Variants in GABBR1 observed in about 807,000 individuals in gnomAD.
The protein encoded by GABBR1 is gamma-aminobutyric acid type B receptor subunit 1.
In GABBR1, 35 loss-of-function variants were observed where a neutral mutation model predicts 117.7. The ratio of observed to expected loss-of-function variants is 0.30; its 90% CI spans 0.23 to 0.39. The LOEUF (loss-of-function observed/expected upper bound fraction) is 0.39. Among genes scored for constraint, GABBR1 ranks in the 10% least tolerant of loss-of-function variants. GABBR1 has a pLI of 1.00. For missense variants in GABBR1, 709 were observed against 1,241.8 expected (o/e 0.57, Z 6.45); for synonymous variants, 442 against 486.6 (o/e 0.91, Z 1.21).
In GABBR1 at chr6:29,622,264, C is replaced by T. The variant is rs1419520176; in HGVS notation, c.964-59G>A. 17 of 1,142,068 alleles carry T rather than the reference C, an allele frequency of 1.5e-5. No homozygotes were observed. Among genetic ancestry groups the T allele is most frequent in the South Asian group, 2.5e-5 (2 of 79,252 alleles). 70.7% of individuals were successfully genotyped at this position (1,142,068 alleles called of 1,614,324 possible). On this transcript the variant is annotated intron_variant, in intron 8 of 22. Coordinates refer to ENST00000377034, the MANE Select transcript of GABBR1 (RefSeq NM_001470.4). This position sits in a 1 kb window ranked among gnomAD's most constrained non-coding sequence, Gnocchi z 4.6. ...ACGGGGTGCATGAGGGAATAAAGAC[C>T]AGAGAGGTTAACTGGGGATTTCAGA...
At chr6:29,608,788 GGA>G in intron 15 of GABBR1, 55 bp from the exon 16 acceptor site, 1 of 1,586,572 alleles carries the variant, frequency 6.3e-7, no homozygotes, top group African/African-American at 1.3e-5. Context: ...TCTTCTCCAG[GGA>G]GGCTGAGCTC....
At position 29,621,936 on chromosome 6, in the gene GABBR1, A is replaced by G; in HGVS notation, c.1066-119T>C. On this transcript the variant is annotated intron_variant, in intron 9 of 22. Coordinates refer to ENST00000377034, the MANE Select transcript of GABBR1 (RefSeq NM_001470.4). The surrounding 1 kb of genome is among the most constrained non-coding windows in gnomAD (Gnocchi z 5.0). Reference sequence around the variant, plus strand: ...AGTGCTTAGTGCAGGGTAACGCTCAACGTATAGTGAATAAACGTCAACTGG... The same window carrying G: ...AGTGCTTAGTGCAGGGTAACGCTCAGCGTATAGTGAATAAACGTCAACTGG... The G allele has an allele frequency of 9.1e-7, 1 of 1,093,778 alleles. No individual in the cohort carries two copies. Among genetic ancestry groups the G allele is most frequent in the Non-Finnish European group, 1.4e-6 (1 of 727,932 alleles). 67.8% of individuals were successfully genotyped at this position (1,093,778 alleles called of 1,614,324 possible).
At position 29,632,567 on chromosome 6, in the gene GABBR1, G is replaced by T; in HGVS notation, c.1-182C>A. 1 of 939,950 alleles carries T rather than the reference G, an allele frequency of 1.1e-6. No individual in the cohort carries two copies. Among genetic ancestry groups the T allele is most frequent in the Non-Finnish European group, 1.5e-6 (1 of 670,792 alleles). 58.2% of individuals were successfully genotyped at this position (939,950 alleles called of 1,614,324 possible). Reference sequence around the variant, plus strand: ...CGCGCGGGGTGGGGGGAGAGGAGGAGAGAAAGCCTGTCCCCACCCTCCTCC... The same window carrying T: ...CGCGCGGGGTGGGGGGAGAGGAGGATAGAAAGCCTGTCCCCACCCTCCTCC... On this transcript the variant is annotated intron_variant, in intron 1 of 22. Transcript: ENST00000377034. This position sits in a 1 kb window ranked among gnomAD's most constrained non-coding sequence, Gnocchi z 5.8.
At position 29,607,299 on chromosome 6, in the gene GABBR1, G is replaced by C; in HGVS notation, c.1993-81C>G. 1 of 1,145,974 alleles carries C rather than the reference G, an allele frequency of 8.7e-7. No individual in the cohort carries two copies. The allele number at this position is 1,145,974 out of a possible 1,614,324, so 71.0% of individuals were successfully genotyped here. ...AGTAAGGATGGGCAGAACCCTAAGG[G>C]AGAGTGGGCAGGGAGCACGGGCAGG... On this transcript the variant is annotated intron_variant, in intron 16 of 22. Transcript: ENST00000377034. The surrounding 1 kb of genome is among the most constrained non-coding windows in gnomAD (Gnocchi z 5.0).
chr6:29,621,170 C>T lies in GABBR1; in HGVS notation c.1254G>A (p.Ala418=), dbSNP rs763531433. Residue 418 remains alanine, a synonymous_variant, in exon 11 of 23, where the codon GCG becomes GCA. Transcript: ENST00000377034. This position sits in a 1 kb window ranked among gnomAD's most constrained non-coding sequence, Gnocchi z 5.0. ...TCTCAGTTGTGATGTGGCCCTCCAC[C>T]GCCTCAGTCATCTCATCCACTGTGC... ...INCTVDEMTE[A]VEGHITTEIV... 20 of 1,613,024 alleles carry T rather than the reference C, an allele frequency of 1.2e-5. No individual in the cohort carries two copies. The highest frequency in any genetic ancestry group is 5.5e-5 in the South Asian group (5 of 91,086).
At chr6:29,617,412 G>A (rs1346346033) in intron 11 of GABBR1, among the ~76,000 whole-genome samples, 1 of 140,792 alleles carries the variant, frequency 7.1e-6, no homozygotes, top group Non-Finnish European at 1.5e-5. Context: ...AGCGATTCTT[G>A]TGTCTCAGCC....
intron 11 of GABBR1, among the ~76,000 whole-genome samples, chr6:29,614,558 T>C (rs929238324): frequency 6.6e-6 from 1 of 152,264 alleles, no homozygotes; most frequent in African/African-American, 2.4e-5. Context: ...CAGTTGCTAC[T>C]ACACTGGGCT....
chr6:29,612,420 A>G (rs1212088788), intron 13 of GABBR1, 131 bp downstream of exon 13: 1 of 643,884 alleles, frequency 1.6e-6, no homozygotes, highest in Non-Finnish European at 2.7e-6. Context: ...GAACAGAGTT[A>G]AAAGAGAAGG....
chr6:29,619,866 AC>A (rs1341579691), intron 11 of GABBR1, among the ~76,000 whole-genome samples: 2 of 152,196 alleles, frequency 1.3e-5, no homozygotes, highest in African/African-American at 4.8e-5. Flanking sequence ...CAACTAACAT[AC>A]CTTAAAACAT....
In GABBR1 at chr6:29,627,656, G is replaced by A. The variant is rs201127313; in HGVS notation, c.497-10C>T. ...TACACTGCGCGCCGTTCTGAGGAGG[G>A]GTGCGGGGGGACCCGCGAGTGAGGC... On this transcript the variant is annotated splice_polypyrimidine_tract_variant and intron_variant, in intron 5 of 22. Coordinates refer to ENST00000377034, the MANE Select transcript of GABBR1 (RefSeq NM_001470.4). The surrounding 1 kb of genome is among the most constrained non-coding windows in gnomAD (Gnocchi z 4.4). 466 of 1,543,256 alleles carry A rather than the reference G, an allele frequency of 3.0e-4. 1 individual carries two copies. The highest frequency in any genetic ancestry group is 3.8e-4 in the Non-Finnish European group (439 of 1,149,236).
In GABBR1 at chr6:29,623,813, C is replaced by T. The variant is rs1162244377; in HGVS notation, c.792+77G>A. The stretch of plus-strand genomic sequence containing the variant: ...CCTCCACACTCCTTTTCAATACAAA[C>T]CCACAATCGCCATCGTCCCTTCAGT... On this transcript the variant is annotated intron_variant, in intron 7 of 22. Coordinates refer to ENST00000377034, the MANE Select transcript of GABBR1 (RefSeq NM_001470.4). This position sits in a 1 kb window ranked among gnomAD's most constrained non-coding sequence, Gnocchi z 6.2. The T allele has an allele frequency of 1.3e-6, 2 of 1,511,612 alleles. No homozygotes were observed. The highest frequency in any genetic ancestry group is 1.8e-6 in the Non-Finnish European group (2 of 1,113,872). 93.6% of individuals were successfully genotyped at this position (1,511,612 alleles called of 1,614,324 possible).
rs548741865 is a variant in GABBR1, at chr6:29,614,964, G to C, written c.1324-1479C>G. On this transcript the variant is annotated intron_variant, in intron 11 of 22. Transcript: ENST00000377034. ...TCTGTACCTTCATCTCAATTCTGCT[G>C]GGAAACTAAAACTGCTCAAAAAAAA... 2.6e-4 allele frequency among the ~76,000 whole-genome samples: 35 copies of C among 132,244 alleles called. No homozygotes were observed. The South Asian group carries it at 7.1e-3, about 27-fold the overall frequency. 86.8% of individuals were successfully genotyped at this position (132,244 alleles called of 152,430 possible). A position where few individuals can be genotyped will look rare whatever the true frequency, so the allele number is the denominator to read the frequency against.
intron 11 of GABBR1, among the ~76,000 whole-genome samples, chr6:29,615,593 A>T (rs1762994725): frequency 7.1e-6 from 1 of 140,418 alleles, no homozygotes; most frequent in Non-Finnish European, 1.5e-5. Context: ...TGGGCGATGG[A>T]GTGAGACTCT....
In GABBR1 at chr6:29,605,784, C is replaced by A; in HGVS notation, c.2312-88G>T. Reference sequence around the variant, plus strand: ...ATCCCCTCTCTGCCCTTCACCTACTCTGAAATGGAAAGGGGGCCCTCCTCT... The same window carrying A: ...ATCCCCTCTCTGCCCTTCACCTACTATGAAATGGAAAGGGGGCCCTCCTCT... On this transcript the variant is annotated intron_variant, in intron 19 of 22. Coordinates refer to ENST00000377034, the MANE Select transcript of GABBR1 (RefSeq NM_001470.4). The surrounding 1 kb of genome is among the most constrained non-coding windows in gnomAD (Gnocchi z 4.2). 1 of 1,505,792 alleles carries A rather than the reference C, an allele frequency of 6.6e-7. No homozygotes were observed. The highest frequency in any genetic ancestry group is 9.0e-7 in the Non-Finnish European group (1 of 1,116,304). 93.3% of individuals were successfully genotyped at this position (1,505,792 alleles called of 1,614,324 possible). A position where few individuals can be genotyped will look rare whatever the true frequency, so the allele number is the denominator to read the frequency against.
chr6:29,603,301 C>T lies in GABBR1; in HGVS notation c.*242G>A. Reference sequence around the variant, plus strand: ...TGAGCAGCTTCAAGCCAGGTACGAACTAAATTGTGAAGAGGTGATACAAAA... The same window carrying T: ...TGAGCAGCTTCAAGCCAGGTACGAATTAAATTGTGAAGAGGTGATACAAAA... On this transcript the variant is annotated 3_prime_UTR_variant, in exon 23 of 23. Coordinates refer to ENST00000377034, the MANE Select transcript of GABBR1 (RefSeq NM_001470.4). The T allele has an allele frequency of 1.5e-6, 1 of 686,182 alleles. No individual in the cohort carries two copies. The allele number at this position is 686,182 out of a possible 1,614,324, so 42.5% of individuals were successfully genotyped here. A position where few individuals can be genotyped will look rare whatever the true frequency, so the allele number is the denominator to read the frequency against.
chr6:29,619,687 T>A (rs1763552953), intron 11 of GABBR1, among the ~76,000 whole-genome samples: 1 of 124,270 alleles, frequency 8.0e-6, no homozygotes, highest in South Asian at 2.9e-4. Context: ...CTCCTCTAGC[T>A]CCCTGCTATA....
chr6:29,629,110 G>C lies in GABBR1; in HGVS notation c.476-3C>G. On this transcript the variant is annotated splice_polypyrimidine_tract_variant and splice_region_variant and intron_variant, in intron 4 of 22. Coordinates refer to ENST00000377034, the MANE Select transcript of GABBR1 (RefSeq NM_001470.4). ...ACCTGAGTGTGGCGTTCGATTCACT[G>C]GCAGCAGGAAAGACGGGGATCAGAG... 1 of 1,612,978 alleles carries C rather than the reference G, an allele frequency of 6.2e-7. No homozygotes were observed. The highest frequency in any genetic ancestry group is 8.5e-7 in the Non-Finnish European group (1 of 1,180,006).
At position 29,627,796 on chromosome 6, in the gene GABBR1, TG is replaced by T. The variant is rs1475721216; in HGVS notation, c.497-151del. The T allele has an allele frequency of 1.4e-6, 2 of 1,435,470 alleles. No individual in the cohort carries two copies. The highest frequency in any genetic ancestry group is 2.5e-5 in the East Asian group (1 of 39,346). The allele number at this position is 1,435,470 out of a possible 1,614,324, so 88.9% of individuals were successfully genotyped here. ...AAAAGGGGCCCCGGGCCCCATGGCG[TG>T]GGGGGCAGGGGTAGCTGTTGGGGAG... On this transcript the variant is annotated intron_variant, in intron 5 of 22. Coordinates refer to ENST00000377034, the MANE Select transcript of GABBR1 (RefSeq NM_001470.4). This position sits in a 1 kb window ranked among gnomAD's most constrained non-coding sequence, Gnocchi z 4.4.
chr6:29,609,356 T>A lies in GABBR1; in HGVS notation c.1732A>T (p.Thr578Ser). Residue 578 changes from threonine (T) to serine (S), a missense_variant, in exon 15 of 23, where the codon ACC becomes TCC. Transcript: ENST00000377034. The surrounding 1 kb of genome is among the most constrained non-coding windows in gnomAD (Gnocchi z 4.3). ...AAGCGGAATGTCTTGATGACCAGGG[T>A]CTGGTCAGCTGGGGGGGACCCTCCT... ...WIGGSPPADQ[T>S]LVIKTFRFLS... 1 of 1,612,562 alleles carries A rather than the reference T, an allele frequency of 6.2e-7. No individual in the cohort carries two copies. Among genetic ancestry groups the A allele is most frequent in the Non-Finnish European group, 8.5e-7 (1 of 1,179,836 alleles).
Sources: allele counts gnomAD v4.1 joint callset (sites outside exome capture counted in the v4.1 genomes callset), GRCh38; gene constraint gnomAD v4.1.1; non-coding constraint Gnocchi (gnomAD v3.1); transcripts MANE v1.5; gene names NCBI Gene and HGNC (gene_info 2026-07-23, HGNC 2026-07-21).